Variants in WWOX observed in about 807,000 individuals in gnomAD.
WWOX encodes WW domain containing oxidoreductase, also known as WW domain-containing oxidoreductase.
A neutral mutation model predicts 46.2 loss-of-function variants in WWOX; 69 were observed. The observed-to-expected ratio is 1.49, with a 90% CI of 1.23 to 1.82. The LOEUF is 1.82. Ranked by LOEUF, WWOX falls within the 40% of genes most tolerant of loss-of-function variation. The pLI is 0.00. For missense variants in WWOX, 919 were observed against 542.6 expected (o/e 1.69, Z -6.89); for synonymous variants, 359 against 202.6 (o/e 1.77, Z -6.56).
At chr16:78,928,404 G>GTGT (rs921207452) in intron 8 of WWOX, among the ~76,000 whole-genome samples, 5 of 151,698 alleles carry the variant, frequency 3.3e-5, no homozygotes, top group Non-Finnish European at 7.4e-5. Context: ...GGGTTTCACC[G>GTGT]TGTTAGCCAG....
chr16:78,832,538 A>G (rs1197571053), intron 8 of WWOX, among the ~76,000 whole-genome samples: 1 of 152,160 alleles, frequency 6.6e-6, no homozygotes, highest in Non-Finnish European at 1.5e-5. Flanking sequence ...CTGCCACTCC[A>G]CACACCCTGA....
chr16:79,030,685 G>A (rs886294696), intron 8 of WWOX, among the ~76,000 whole-genome samples: 1 of 152,114 alleles, frequency 6.6e-6, no homozygotes, highest in African/African-American at 2.4e-5. Flanking sequence ...GAAATCTTGG[G>A]CTCACCGCTG....
In WWOX at chr16:78,952,732, G is replaced by T. The variant is rs115738291; in HGVS notation, c.1057-258876G>T. 2.9e-3 allele frequency among the ~76,000 whole-genome samples: 436 copies of T among 152,134 alleles called. 4 individuals are homozygous for T. The highest frequency in any genetic ancestry group is 0.01 in the African/African-American group (426 of 41,518). The stretch of plus-strand genomic sequence containing the variant: ...TCCTATTTTTCCCACCTGACAGTAC[G>T]CTCCGTAGGGCATGTGTTTGTTTCG... On this transcript the variant is annotated intron_variant, in intron 8 of 8. Coordinates refer to ENST00000566780, the MANE Select transcript of WWOX (RefSeq NM_016373.4).
Position 78,260,121 on chromosome 16 carries a change from G to A in WWOX, c.516+95832G>A, listed in dbSNP as rs542455009. Among the ~76,000 whole-genome samples, 4 of 151,436 alleles carry A rather than the reference G, an allele frequency of 2.6e-5. No individual in the cohort carries two copies. In the South Asian group the frequency reaches 8.3e-4, roughly 31 times the overall value. ...CCTCTTGAGGACAGAGACTCCCAGA[G>A]GAAGGAGCAGGCAGCCATCCTTGCT... On this transcript the variant is annotated intron_variant, in intron 5 of 8. Transcript: ENST00000566780.
At chr16:78,215,557 C>T (rs375017759) in intron 5 of WWOX, among the ~76,000 whole-genome samples, 8 of 152,320 alleles carry the variant, frequency 5.3e-5, no homozygotes, top group Admixed American at 3.3e-4. Context: ...CCTAGCCATG[C>T]GGAACTGTGA....
intron 8 of WWOX, among the ~76,000 whole-genome samples, chr16:78,917,813 G>A (rs2045287106): frequency 6.6e-6 from 1 of 151,972 alleles, no homozygotes; most frequent in South Asian, 2.1e-4. Context: ...CCCGTATTGT[G>A]GAATGAAAAT....
intron 8 of WWOX, among the ~76,000 whole-genome samples, chr16:78,578,275 TA>T (rs1567657352): frequency 4.2e-4 from 17 of 40,596 alleles, no homozygotes; most frequent in African/African-American, 6.7e-4. Context: ...TATATATATA[TA>T]TATATATATT....
chr16:78,320,274 G>C (rs143658972), intron 5 of WWOX, among the ~76,000 whole-genome samples: 2 of 152,132 alleles, frequency 1.3e-5, no homozygotes, highest in Non-Finnish European at 2.9e-5. Flanking sequence ...AGCATTATAA[G>C]CAATTTTACC....
intron 4 of WWOX, among the ~76,000 whole-genome samples, chr16:78,131,382 C>A (rs1040805306): frequency 6.6e-6 from 1 of 151,710 alleles, no homozygotes; most frequent in Admixed American, 6.6e-5. Context: ...TGGCTAATTT[C>A]TTTTGTATTT....
intron 8 of WWOX, among the ~76,000 whole-genome samples, chr16:78,869,407 T>C (rs959806785): frequency 1.3e-5 from 2 of 152,242 alleles, no homozygotes; most frequent in Non-Finnish European, 2.9e-5. Context: ...GATTCTATTC[T>C]TATTTGGCAA....
At chr16:79,165,750 C>G (rs1007163548) in intron 8 of WWOX, among the ~76,000 whole-genome samples, 2 of 152,318 alleles carry the variant, frequency 1.3e-5, no homozygotes, top group African/African-American at 4.8e-5. Context: ...ACAGGCCAAG[C>G]TCGGCTAGTC....
intron 8 of WWOX, among the ~76,000 whole-genome samples, chr16:79,202,204 C>T (rs997150040): frequency 6.6e-6 from 1 of 152,014 alleles, no homozygotes; most frequent in African/African-American, 2.4e-5. Flanking sequence ...AATCTCTGGC[C>T]CTTTGCAGAA....
intron 8 of WWOX, among the ~76,000 whole-genome samples, chr16:78,821,338 G>GC (rs960995222): frequency 6.6e-6 from 1 of 152,020 alleles, no homozygotes; most frequent in African/African-American, 2.4e-5. Context: ...GAAGCCAAGC[G>GC]CCCCCCAGCC....
In WWOX at chr16:78,615,600, C is replaced by T. The variant is rs569258951; in HGVS notation, c.1056+182848C>T. Among the ~76,000 whole-genome samples the T allele has an allele frequency of 9.2e-5, 14 of 152,096 alleles. No homozygotes were observed. The South Asian group carries it at 2.9e-3, about 32-fold the overall frequency. On this transcript the variant is annotated intron_variant, in intron 8 of 8. Transcript: ENST00000566780. ...TGAGCCCAGGAGTTGGAGGTTGCTG[C>T]AGCTATGTTCGCACCACTGTATTCC... is the stretch of plus-strand genomic sequence containing the variant.
intron 8 of WWOX, among the ~76,000 whole-genome samples, chr16:78,548,440 C>T (rs1335052780): frequency 1.3e-5 from 2 of 152,052 alleles, no homozygotes; most frequent in Admixed American, 6.6e-5. Flanking sequence ...TTATTTTAAT[C>T]TAAAGACATC....
chr16:79,192,219 C>T (rs1310633098), intron 8 of WWOX, among the ~76,000 whole-genome samples: 1 of 152,216 alleles, frequency 6.6e-6, no homozygotes, highest in African/African-American at 2.4e-5. Flanking sequence ...TGGGTAAGCA[C>T]TGTGAGTCAT....
At chr16:78,626,013 C>A (rs1412488959) in intron 8 of WWOX, among the ~76,000 whole-genome samples, 1 of 151,592 alleles carries the variant, frequency 6.6e-6, no homozygotes, top group Non-Finnish European at 1.5e-5. Flanking sequence ...TTTTTACCAA[C>A]CTAATATTGT....
intron 8 of WWOX, among the ~76,000 whole-genome samples, chr16:78,660,299 A>C (rs897304220): frequency 6.6e-6 from 1 of 152,172 alleles, no homozygotes; most frequent in African/African-American, 2.4e-5. Context: ...ACTTCCGTAC[A>C]CTAAAGGTCC....
At chr16:78,913,168 G>A (rs572069380) in intron 8 of WWOX, among the ~76,000 whole-genome samples, 2 of 152,100 alleles carry the variant, frequency 1.3e-5, no homozygotes, top group African/African-American at 4.8e-5. Flanking sequence ...CTGTCGCTGA[G>A]GTAATATGAG....
Sources: gnomAD v4.1 joint callset for allele counts (sites outside exome capture counted in the v4.1 genomes callset) on GRCh38, gnomAD v4.1.1 for gene constraint, MANE v1.5 for transcripts, NCBI Gene and HGNC (gene_info 2026-07-23, HGNC 2026-07-21) for gene names.